The following MCF2 variants were observed in gnomAD, a reference collection of about 807,000 sequenced individuals.
MCF2 encodes the protein MCF.2 cell line derived transforming sequence, also known as proto-oncogene DBL.
In MCF2, 44 loss-of-function variants were observed where a neutral mutation model predicts 82.5. The observed-to-expected ratio is 0.53, with a 90% confidence interval of 0.42 to 0.69. The LOEUF (loss-of-function observed/expected upper bound fraction) is 0.69. MCF2 is among the 30% of genes least tolerant of loss of function. The pLI, the probability that MCF2 is intolerant of heterozygous loss-of-function variation, is 0.00. For synonymous variants in MCF2, 217 were observed against 224.9 expected (o/e 0.96, Z 0.32); for missense variants, 623 against 663.1 (o/e 0.94, Z 0.66).
Position 139,673,710 on chromosome X carries a change from T to A in MCF2, c.-44-21922A>T, listed in dbSNP as rs1041886332. 6.2e-5 allele frequency among the ~76,000 whole-genome samples: 7 copies of A among 112,093 alleles called. No individual in the cohort carries two copies. In the Admixed American group the frequency reaches 6.6e-4, roughly 11 times the overall value. On this transcript the variant is annotated intron_variant, in intron 1 of 27. Transcript: ENST00000414978. ...TTGTTGTGATTTCTGTTCTTTTACG[T>A]TTGCTGAGGAGTGCTTTACTTCCAA...
At chrX:139,595,803 T>A (rs1930035776) in intron 19 of MCF2, among the ~76,000 whole-genome samples, 1 of 109,823 alleles carries the variant, frequency 9.1e-6, no homozygotes, top group Admixed American at 9.7e-5. Flanking sequence ...TGTAAAAAAA[T>A]TCAAATTTGT....
intron 16 of MCF2, among the ~76,000 whole-genome samples, chrX:139,598,848 G>A (rs1044763886): frequency 4.5e-5 from 5 of 111,314 alleles, no homozygotes; most frequent in African/African-American, 1.6e-4. Context: ...GAAAATTCAC[G>A]AAAGACCAAG....
chrX:139,642,027 C>CTG (rs1933597948), intron 1 of MCF2, among the ~76,000 whole-genome samples: 1 of 111,299 alleles, frequency 9.0e-6, no homozygotes, highest in East Asian at 2.8e-4. Flanking sequence ...TACGGTAACA[C>CTG]CCAGGAAAGG....
intron 1 of MCF2, among the ~76,000 whole-genome samples, chrX:139,641,437 A>T (rs954820040): frequency 2.7e-5 from 3 of 110,995 alleles, no homozygotes; most frequent in Admixed American, 9.6e-5. Flanking sequence ...AGTCTGTGCT[A>T]AGAGCTTTAT....
At chrX:139,642,849 G>A in exon 1 of MCF2, 1 of 904,595 alleles carries the variant, frequency 1.1e-6, no homozygotes, top group Non-Finnish European at 1.4e-6. Flanking sequence ...CCTAAGAGTG[G>A]AAGGAGGAGG....
chrX:139,607,050 T>C (rs1213504479), intron 12 of MCF2: 1 of 111,282 alleles, frequency 9.0e-6, no homozygotes, highest in East Asian at 2.8e-4. Flanking sequence ...AAAATAACAT[T>C]GTATCAATCT....
At chrX:139,604,788 A>T (rs1427285061) in intron 14 of MCF2, 38 bp from the exon 19 acceptor site, 4 of 1,109,162 alleles carry the variant, frequency 3.6e-6, no homozygotes, top group Admixed American at 2.4e-5. Flanking sequence ...GCATGATTTT[A>T]TGTGAAATAT....
chrX:139,646,376 T>G (rs1705753474), upstream of MCF2, among the ~76,000 whole-genome samples: 1 of 111,970 alleles, frequency 8.9e-6, no homozygotes, highest in Non-Finnish European at 1.9e-5. Context: ...TTCAAGACAT[T>G]CCTCCTAGTA....
chrX:139,674,211 G>A (rs768540591), intron 1 of MCF2, among the ~76,000 whole-genome samples: 1 of 110,998 alleles, frequency 9.0e-6, no homozygotes, highest in African/African-American at 3.3e-5. Flanking sequence ...GAGCCTATGT[G>A]TGTCTCTGCA....
chrX:139,664,521 C>T lies in MCF2; in HGVS notation c.-44-12733G>A, dbSNP rs181734580. Among the ~76,000 whole-genome samples the T allele has an allele frequency of 3.6e-5, 4 of 111,258 alleles. No individual in the cohort carries two copies. The East Asian group carries it at 8.5e-4, about 24-fold the overall frequency. On this transcript the variant is annotated intron_variant, in intron 1 of 27. Coordinates refer to the MCF2 transcript ENST00000414978. ...ACTTAAGGCCCAAGGGATCTTTAAT[C>T]AGCTTGTGGTGAATGTTGCCATGCC... is the stretch of plus-strand genomic sequence containing the variant.
chrX:139,592,105 G>GT (rs749180681), intron 19 of MCF2, among the ~76,000 whole-genome samples: 2 of 111,460 alleles, frequency 1.8e-5, no homozygotes, highest in East Asian at 5.7e-4. Flanking sequence ...ATTTTTAGTG[G>GT]TATCACCATT....
Position 139,587,807 on chromosome X carries a change from C to A in MCF2, c.2450-19G>T. On this transcript the variant is annotated intron_variant, in intron 21 of 24. Coordinates refer to ENST00000370576, the Ensembl canonical transcript of MCF2. ...TTTTTAACTGAGAAATAAAACAAAGCATATTATCATTCAGAAGTCACACTT... is the reference window on the plus strand; with the variant it reads ...TTTTTAACTGAGAAATAAAACAAAGAATATTATCATTCAGAAGTCACACTT... 9.5e-7 allele frequency: 1 copy of A among 1,050,419 alleles called. No individual in the cohort carries two copies. The highest frequency in any genetic ancestry group is 1.3e-6 in the Non-Finnish European group (1 of 754,695). 86.6% of individuals were successfully genotyped at this position (1,050,419 alleles called of 1,213,427 possible). A position where few individuals can be genotyped will look rare whatever the true frequency, so the allele number is the denominator to read the frequency against.
chrX:139,599,813 A>G (rs1359809667), intron 16 of MCF2, among the ~76,000 whole-genome samples: 3 of 111,721 alleles, frequency 2.7e-5, no homozygotes, highest in African/African-American at 9.7e-5. Context: ...TCCCAGGTGT[A>G]TAGCCAAGAG....
chrX:139,651,289 T>TA lies in MCF2; in HGVS notation c.25+430dup, dbSNP rs996880380. 5.5e-5 allele frequency among the ~76,000 whole-genome samples: 6 copies of TA among 109,793 alleles called. 1 individual carries two copies. Among genetic ancestry groups the TA allele is most frequent in the South Asian group, 3.9e-4 (1 of 2,588 alleles). On this transcript the variant is annotated intron_variant, in intron 2 of 27. Transcript: ENST00000414978. ...TCTTTATAATGTGTAAATGAAATCC[T>TA]AAAAAAAAATACTTAGTGCATGCTG... is the stretch of plus-strand genomic sequence containing the variant.
At chrX:139,653,905 T>A (rs952729398) in intron 1 of MCF2, among the ~76,000 whole-genome samples, 1 of 111,286 alleles carries the variant, frequency 9.0e-6, no homozygotes, top group Non-Finnish European at 1.9e-5. Context: ...TTTGTGTTTC[T>A]GTGTTTGGCT....
chrX:139,667,838 G>A (rs1052718637), intron 1 of MCF2, among the ~76,000 whole-genome samples: 8 of 111,910 alleles, frequency 7.1e-5, no homozygotes, highest in African/African-American at 2.6e-4. Context: ...GATCCCAGTG[G>A]GGCACACTCC....
upstream of MCF2, among the ~76,000 whole-genome samples, chrX:139,644,293 A>G (rs927197982): frequency 3.2e-4 from 36 of 112,319 alleles, no homozygotes; most frequent in Admixed American, 3.3e-3. Flanking sequence ...TTCATCACAT[A>G]GCCATTCCAA....
rs181300928 is a variant in MCF2 at position 139,679,071 on chromosome X, C to G, written c.-44-27283G>C. Among the ~76,000 whole-genome samples, 209 of 112,399 alleles carry G rather than the reference C, an allele frequency of 1.9e-3. 1 individual carries two copies. Among genetic ancestry groups the G allele is most frequent in the Middle Eastern group, 4.6e-3 (1 of 218 alleles). ...GAGAAACAAAATCAGTTAGATGTGG[C>G]AACAAAGATCAAATGAACTCTGAGA... is the stretch of plus-strand genomic sequence containing the variant. On this transcript the variant is annotated intron_variant, in intron 1 of 27. Coordinates refer to the MCF2 transcript ENST00000414978.
At chrX:139,670,101 T>C (rs765688568) in intron 1 of MCF2, among the ~76,000 whole-genome samples, 2 of 110,694 alleles carry the variant, frequency 1.8e-5, no homozygotes, top group East Asian at 5.6e-4. Context: ...TTGGTATTTA[T>C]AAGAAAAAAG....
Sources: gnomAD v4.1 joint callset for allele counts (sites outside exome capture counted in the v4.1 genomes callset) on GRCh38, gnomAD v4.1.1 for gene constraint, MANE v1.5 for transcripts, NCBI Gene and HGNC (gene_info 2026-07-23, HGNC 2026-07-21) for gene names.